Variants in AK5 observed in about 807,000 individuals in gnomAD.
AK5 encodes the protein adenylate kinase isoenzyme 5.
AK5 carries 27 observed loss-of-function variants against 69.5 expected under a neutral mutation model. The ratio of observed to expected loss-of-function variants is 0.39; its 90% CI spans 0.29 to 0.54. The LOEUF is 0.54. Among genes scored for constraint, AK5 ranks in the 20% least tolerant of loss-of-function variants. The pLI, the probability that AK5 is intolerant of heterozygous loss-of-function variation, is 0.71. For synonymous variants in AK5, 260 were observed against 244.4 expected, an observed-to-expected ratio of 1.06 and a Z score of -0.60; for missense variants, 531 against 700.4, an observed-to-expected ratio of 0.76 and a Z score of 2.73.
chr1:77,367,075 A>G (rs1036308253), intron 6 of AK5, among the ~76,000 whole-genome samples: 4 of 152,118 alleles, frequency 2.6e-5, no homozygotes, highest in Admixed American at 6.6e-5. Flanking sequence ...TGTGAGGTGT[A>G]TTAAAGGAGG....
chr1:77,526,499 G>A (rs1371898498), intron 12 of AK5, among the ~76,000 whole-genome samples: 4 of 124,968 alleles, frequency 3.2e-5, no homozygotes, highest in East Asian at 2.2e-4. Context: ...TTTTTGAGAC[G>A]GAGTCTCGCT....
chr1:77,305,445 C>A (rs1242173313), intron 5 of AK5, among the ~76,000 whole-genome samples: 1 of 152,058 alleles, frequency 6.6e-6, no homozygotes. Flanking sequence ...CCAGTGTTTT[C>A]TTTTAGTAGT....
intron 1 of AK5, 29 bp downstream of exon 1, chr1:77,282,402 A>AGCATCCGGGGACT: frequency 1.3e-6 from 2 of 1,535,392 alleles, no homozygotes; most frequent in Non-Finnish European, 1.8e-6. Context: ...GACGGGCGGT[A>AGCATCCGGGGACT]GCATCCGGGG....
intron 8 of AK5, 99 bp from the exon 9 acceptor site, chr1:77,483,218 T>C: frequency 9.6e-6 from 8 of 832,106 alleles, no homozygotes; most frequent in Non-Finnish European, 1.7e-5. Flanking sequence ...GGTGCCTCCC[T>C]CTTACAGTTG....
intron 5 of AK5, among the ~76,000 whole-genome samples, chr1:77,304,882 G>A (rs1659552119): frequency 6.6e-6 from 1 of 152,160 alleles, no homozygotes. Flanking sequence ...TCATATGGGA[G>A]CTTCATTTTT....
rs1570324949 is a variant in AK5 at position 77,294,096 on chromosome 1, A to G, written c.415+136A>G. On this transcript the variant is annotated intron_variant, in intron 3 of 13. Transcript: ENST00000354567. ...TAGAAACAAAAGCTCAAGGGACAAT[A>G]AATGGAAATATTCTTAGTATAAGTT... is the stretch of plus-strand genomic sequence containing the variant. The G allele has an allele frequency of 4.3e-6, 3 of 701,518 alleles. 1 individual carries two copies. The East Asian group carries it at 9.1e-5, about 21-fold the overall frequency. The allele number at this position is 701,518 out of a possible 1,614,324, so 43.5% of individuals were successfully genotyped here.
At chr1:77,354,891 A>G (rs961379767) in intron 6 of AK5, among the ~76,000 whole-genome samples, 4 of 152,374 alleles carry the variant, frequency 2.6e-5, no homozygotes, top group South Asian at 2.1e-4. Flanking sequence ...AAAATCTTGT[A>G]TCTTACCTGA....
At chr1:77,363,605 T>C (rs1291595991) in intron 6 of AK5, among the ~76,000 whole-genome samples, 1 of 152,190 alleles carries the variant, frequency 6.6e-6, no homozygotes, top group African/African-American at 2.4e-5. Context: ...TATGACCTTA[T>C]CAGCTCCTGC....
At chr1:77,430,129 TCAAAAAAAAAAAA>T (rs1651506809) in intron 8 of AK5, among the ~76,000 whole-genome samples, 3 of 119,544 alleles carry the variant, frequency 2.5e-5, no homozygotes. Context: ...TCTATGGAGT[TCAAAAAAAAAAAA>T]CAAAAAAACA....
At chr1:77,546,603 G>A (rs934874509) in intron 13 of AK5, among the ~76,000 whole-genome samples, 1 of 152,090 alleles carries the variant, frequency 6.6e-6, no homozygotes, top group South Asian at 2.1e-4. Flanking sequence ...CCAGCTACTC[G>A]GGAGGCTGAG....
chr1:77,522,766 A>G (rs897469714), intron 12 of AK5, among the ~76,000 whole-genome samples: 2 of 152,214 alleles, frequency 1.3e-5, no homozygotes, highest in African/African-American at 4.8e-5. Flanking sequence ...AGTCCAGGCA[A>G]GAAGGGTAAA....
chr1:77,519,822 C>T (rs908701529), intron 11 of AK5, among the ~76,000 whole-genome samples: 2 of 152,140 alleles, frequency 1.3e-5, no homozygotes, highest in African/African-American at 4.8e-5. Context: ...GTGGGTTTTA[C>T]CCAGTTTCTC....
chr1:77,499,721 A>C (rs1656585094), intron 10 of AK5, among the ~76,000 whole-genome samples: 1 of 152,088 alleles, frequency 6.6e-6, no homozygotes, highest in Admixed American at 6.5e-5. Flanking sequence ...AGCAGTGAGA[A>C]ACCTGGCCGA....
intron 5 of AK5, among the ~76,000 whole-genome samples, chr1:77,326,396 C>A (rs970255425): frequency 6.6e-6 from 1 of 151,138 alleles, no homozygotes; most frequent in Non-Finnish European, 1.5e-5. Flanking sequence ...ATCAAAGTAA[C>A]TTATTCCTAA....
chr1:77,321,976 T>C (rs1660558448), intron 5 of AK5, among the ~76,000 whole-genome samples: 1 of 152,230 alleles, frequency 6.6e-6, no homozygotes, highest in African/African-American at 2.4e-5. Flanking sequence ...ATTGTATTTC[T>C]ATATATTAGC....
chr1:77,468,917 C>T (rs560294865), intron 8 of AK5, among the ~76,000 whole-genome samples: 35 of 152,304 alleles, frequency 2.3e-4, no homozygotes, highest in African/African-American at 8.4e-4. Context: ...TAGGCTAGGT[C>T]ACTCTAGAAA....
intron 10 of AK5, among the ~76,000 whole-genome samples, chr1:77,490,010 C>T (rs1655879093): frequency 6.6e-6 from 1 of 152,250 alleles, no homozygotes; most frequent in South Asian, 2.1e-4. Flanking sequence ...CCTTCCTCCT[C>T]TGCGCTCCTC....
chr1:77,558,720 T>C lies in AK5; in HGVS notation c.*50T>C, dbSNP rs763849969. 29 of 1,294,308 alleles carry C rather than the reference T, an allele frequency of 2.2e-5. No individual in the cohort carries two copies. Among genetic ancestry groups the C allele is most frequent in the African/African-American group, 1.0e-4 (7 of 69,540 alleles). 80.2% of individuals were successfully genotyped at this position (1,294,308 alleles called of 1,614,324 possible). On this transcript the variant is annotated 3_prime_UTR_variant, in exon 14 of 14. Transcript: ENST00000354567. ...ATGGAAACAGAAAAACATTAAAAAG[T>C]TCATTCCTTAACACAATGTTTCAAG... is the stretch of plus-strand genomic sequence containing the variant.
At chr1:77,302,825 C>G (rs75181873) in intron 5 of AK5, among the ~76,000 whole-genome samples, 8,744 of 152,246 alleles carry the variant, frequency 0.057, 301 homozygotes, top group South Asian at 0.094. Context: ...CACAGACACT[C>G]TAGCTCTTTC....
Sources: gnomAD v4.1 joint callset for allele counts (sites outside exome capture counted in the v4.1 genomes callset) on GRCh38, gnomAD v4.1.1 for gene constraint, MANE v1.5 for transcripts, NCBI Gene and HGNC (gene_info 2026-07-23, HGNC 2026-07-21) for gene names.